Variants in DEUP1 observed in about 807,000 individuals in gnomAD.
DEUP1 encodes coiled-coil domain containing 67.
DEUP1 carries 82 observed loss-of-function variants against 87.4 expected under a neutral mutation model. The observed-to-expected ratio is 0.94, with a 90% confidence interval of 0.78 to 1.13. The LOEUF (loss-of-function observed/expected upper bound fraction) is 1.13. Among genes scored for constraint, DEUP1 ranks in the 50% most tolerant of loss-of-function variants. The probability of loss-of-function intolerance (pLI) is 0.00; values close to 1 mark genes in which losing one functional copy is unlikely to be tolerated. For synonymous variants in DEUP1, 214 were observed against 222.7 expected (o/e 0.96, Z 0.35); for missense variants, 663 against 681.5 (o/e 0.97, Z 0.30).
In DEUP1 at chr11:93,394,341, G is replaced by A. The variant is rs1010058195; in HGVS notation, c.1042-118G>A. 6.4e-6 allele frequency: 4 copies of A among 627,924 alleles called. No homozygotes were observed. The African/African-American group carries it at 7.4e-5, about 12-fold the overall frequency. The allele number at this position is 627,924 out of a possible 1,614,324, so 38.9% of individuals were successfully genotyped here. A position where few individuals can be genotyped will look rare whatever the true frequency, so the allele number is the denominator to read the frequency against. On this transcript the variant is annotated intron_variant, in intron 9 of 13. Transcript: ENST00000298050. ...TAATTTAGCATTGATCAGAAAAGGA[G>A]GGTGAAGTGGGCCCTGACAAAGTTT... is the stretch of plus-strand genomic sequence containing the variant.
At chr11:93,427,211 C>G in intron 13 of DEUP1, among the ~76,000 whole-genome samples, 1 of 150,522 alleles carries the variant, frequency 6.6e-6, no homozygotes, top group Admixed American at 6.7e-5. Context: ...ATCATGCTAC[C>G]TGACTTCAAA....
At chr11:93,335,018 A>T (rs1315640621) in intron 2 of DEUP1, among the ~76,000 whole-genome samples, 1 of 151,976 alleles carries the variant, frequency 6.6e-6, no homozygotes, top group Non-Finnish European at 1.5e-5. Flanking sequence ...TATTTTCATG[A>T]TTTCTGGATT....
At chr11:93,406,988 T>C (rs1331041657) in intron 11 of DEUP1, among the ~76,000 whole-genome samples, 1 of 152,036 alleles carries the variant, frequency 6.6e-6, no homozygotes, top group Non-Finnish European at 1.5e-5. Flanking sequence ...TATTGAATGG[T>C]TGTGAGTGTA....
chr11:93,401,022 C>T (rs117602682), intron 11 of DEUP1, among the ~76,000 whole-genome samples: 1,633 of 152,098 alleles, frequency 0.011, 14 homozygotes, highest in Middle Eastern at 0.041. Context: ...TGTTCACAGA[C>T]GATATGATCT....
rs1426062992 is a variant in DEUP1 at position 93,438,148 on chromosome 11, A to G, written c.*429A>G. On this transcript the variant is annotated 3_prime_UTR_variant, in exon 14 of 14. Transcript: ENST00000298050. ...TCAGTTGTACTGGTTTTGAAAACTC[A>G]AGGATTTTATAAATAAAAATATTTA... is the stretch of plus-strand genomic sequence containing the variant. The G allele has an allele frequency of 6.6e-6, 1 of 152,440 alleles. No homozygotes were observed. The highest frequency in any genetic ancestry group is 1.5e-5 in the Non-Finnish European group (1 of 68,236). The allele number at this position is 152,440 out of a possible 1,614,324, so 9.4% of individuals were successfully genotyped here. A position where few individuals can be genotyped will look rare whatever the true frequency, so the allele number is the denominator to read the frequency against.
chr11:93,383,213 C>A (rs755264255), intron 7 of DEUP1, among the ~76,000 whole-genome samples: 1 of 152,126 alleles, frequency 6.6e-6, no homozygotes, highest in Non-Finnish European at 1.5e-5. Context: ...AGAAACAACC[C>A]AAATGTCCAT....
chr11:93,399,181 A>G (rs1447886364), intron 11 of DEUP1, among the ~76,000 whole-genome samples: 1 of 151,510 alleles, frequency 6.6e-6, no homozygotes, highest in Non-Finnish European at 1.5e-5. Context: ...TGTTACATAT[A>G]TATATATATT....
At chr11:93,339,922 G>A (rs1202642230) in intron 2 of DEUP1, among the ~76,000 whole-genome samples, 1 of 152,194 alleles carries the variant, frequency 6.6e-6, no homozygotes, top group Non-Finnish European at 1.5e-5. Flanking sequence ...TAATGAGGTG[G>A]CATTCTATTC....
intron 5 of DEUP1, among the ~76,000 whole-genome samples, chr11:93,369,417 G>A (rs1416518760): frequency 1.3e-5 from 2 of 150,750 alleles, no homozygotes; most frequent in African/African-American, 2.4e-5. Context: ...AAAATATTTC[G>A]TGTCAAGAAA....
chr11:93,332,707 C>T (rs926809019), intron 2 of DEUP1, among the ~76,000 whole-genome samples: 6 of 152,226 alleles, frequency 3.9e-5, no homozygotes, highest in South Asian at 4.2e-4. Flanking sequence ...GATGCAACTC[C>T]GTAAAAACAT....
At chr11:93,380,091 G>A (rs1456785172) in intron 7 of DEUP1, among the ~76,000 whole-genome samples, 2 of 152,172 alleles carry the variant, frequency 1.3e-5, no homozygotes, top group African/African-American at 4.8e-5. Context: ...AAAGGAGTGT[G>A]ACCAGCATCT....
chr11:93,364,591 C>A (rs1945322257), intron 5 of DEUP1, among the ~76,000 whole-genome samples: 1 of 151,770 alleles, frequency 6.6e-6, no homozygotes, highest in Non-Finnish European at 1.5e-5. Flanking sequence ...GAAGGACACC[C>A]CTGGGGTCAG....
chr11:93,356,563 T>G (rs1409862686), intron 3 of DEUP1, among the ~76,000 whole-genome samples: 1 of 152,148 alleles, frequency 6.6e-6, no homozygotes, highest in Non-Finnish European at 1.5e-5. Context: ...TATTTCATAA[T>G]ACCACTAAAA....
intron 2 of DEUP1, among the ~76,000 whole-genome samples, chr11:93,347,308 G>A (rs1028175557): frequency 1.3e-5 from 2 of 152,086 alleles, no homozygotes; most frequent in African/African-American, 4.8e-5. Flanking sequence ...TGTTTATGTG[G>A]TGAATCACAT....
intron 13 of DEUP1, among the ~76,000 whole-genome samples, chr11:93,430,619 C>T (rs1236819448): frequency 4.6e-5 from 7 of 152,056 alleles, no homozygotes; most frequent in Non-Finnish European, 8.8e-5. Flanking sequence ...TTAAGGAGTA[C>T]AGAGTTTTCA....
intron 7 of DEUP1, 60 bp downstream of exon 7, chr11:93,371,340 A>G (rs1945716981): frequency 6.7e-7 from 1 of 1,489,876 alleles, no homozygotes; most frequent in African/African-American, 1.4e-5. Flanking sequence ...GGTAACACAT[A>G]TAGAGATTAG....
intron 4 of DEUP1, among the ~76,000 whole-genome samples, chr11:93,363,949 T>C (rs1945294560): frequency 6.6e-6 from 1 of 151,890 alleles, no homozygotes; most frequent in African/African-American, 2.4e-5. Flanking sequence ...AGTTAATGAA[T>C]CTCGAGTTTA....
Position 93,332,233 on chromosome 11 carries a change from A to G in DEUP1, c.-27A>G. ...CCTAACAGATTAAAAATCAAGAAAT[A>G]TAAACCAGATGTAGCAGTTTCTTGA... is the stretch of plus-strand genomic sequence containing the variant. On this transcript the variant is annotated 5_prime_UTR_variant, in exon 2 of 14. In the 5' UTR this introduces an upstream ATG that the reference lacks. Coordinates refer to ENST00000298050, the MANE Select transcript of DEUP1 (RefSeq NM_181645.4). The G allele has an allele frequency of 6.3e-7, 1 of 1,598,054 alleles. No individual in the cohort carries two copies.
rs1455257386 is a variant in DEUP1, at chr11:93,363,642, T to C, written c.298-518T>C. Among the ~76,000 whole-genome samples, 24 of 151,842 alleles carry C rather than the reference T, an allele frequency of 1.6e-4. 1 individual carries two copies. Among genetic ancestry groups the C allele is most frequent in the Admixed American group, 1.4e-3 (21 of 15,224 alleles). ...AAATAATACAATGTTATAAAAAGAA[T>C]TATCATTAAGAAAAATATTAGATCA... is the stretch of plus-strand genomic sequence containing the variant. On this transcript the variant is annotated intron_variant, in intron 4 of 13. Coordinates refer to ENST00000298050, the MANE Select transcript of DEUP1 (RefSeq NM_181645.4).
Sources: gnomAD v4.1 joint callset for allele counts (sites outside exome capture counted in the v4.1 genomes callset) on GRCh38, gnomAD v4.1.1 for gene constraint, MANE v1.5 for transcripts, NCBI Gene and HGNC (gene_info 2026-07-23, HGNC 2026-07-21) for gene names.